ANGEL2: variants seen among roughly 807,000 people sequenced by gnomAD.
ANGEL2 encodes the protein angel homolog 2.
In ANGEL2, 41 loss-of-function variants were observed where a neutral mutation model predicts 66.0. That is an observed-to-expected ratio of 0.62 (90% confidence interval 0.48 to 0.81). The LOEUF is 0.81. Ranked by LOEUF, ANGEL2 falls within the 30% of genes least tolerant of loss-of-function variation. The probability of loss-of-function intolerance (pLI) is 0.00; values close to 1 mark genes in which losing one functional copy is unlikely to be tolerated. For synonymous variants in ANGEL2, 208 were observed against 226.5 expected (o/e 0.92, Z 0.73); for missense variants, 561 against 641.6 (o/e 0.87, Z 1.36).
rs547405908 is a variant in ANGEL2 at position 213,001,084 on chromosome 1, T to C, written c.1135-172A>G. 82 of 601,434 alleles carry C rather than the reference T, an allele frequency of 1.4e-4. No homozygotes were observed. In the African/African-American group the frequency reaches 1.4e-3, roughly 10 times the overall value. The allele number at this position is 601,434 out of a possible 1,614,324, so 37.3% of individuals were successfully genotyped here. A position where few individuals can be genotyped will look rare whatever the true frequency, so the allele number is the denominator to read the frequency against. ...AAATCTTCTTTTCTTTAAATACAAT[T>C]CAGAAAGCACTTATCATTTACATAA... On this transcript the variant is annotated intron_variant, in intron 5 of 8. Coordinates refer to ENST00000366962, the MANE Select transcript of ANGEL2 (RefSeq NM_144567.5).
chr1:213,005,941 C>T lies in ANGEL2; in HGVS notation c.713-487G>A, dbSNP rs548176648. On this transcript the variant is annotated intron_variant, in intron 4 of 8. Coordinates refer to ENST00000366962, the MANE Select transcript of ANGEL2 (RefSeq NM_144567.5). ...TCAAATATTTGTTCAAATGTCACCT[C>T]GTCTGATCATTTTGTTTAAAACTGA... 2.0e-5 allele frequency among the ~76,000 whole-genome samples: 3 copies of T among 152,280 alleles called. No homozygotes were observed. The South Asian group carries it at 6.2e-4, about 32-fold the overall frequency.
chr1:213,007,233 G>A (rs755486602), intron 3 of ANGEL2, 35 bp from the exon 4 acceptor site: 2 of 1,433,534 alleles, frequency 1.4e-6, no homozygotes, highest in Non-Finnish European at 1.9e-6. Flanking sequence ...TTAGAACACA[G>A]AGATGCAATC....
At chr1:212,999,985 G>C (rs2076135146) in intron 7 of ANGEL2, among the ~76,000 whole-genome samples, 1 of 152,200 alleles carries the variant, frequency 6.6e-6, no homozygotes, top group Admixed American at 6.5e-5. Context: ...AGCTGGTCCA[G>C]GTCCACAGAC....
chr1:213,015,333 G>A (rs1487505350), intron 1 of ANGEL2: 1 of 1,366,336 alleles, frequency 7.3e-7, no homozygotes, highest in Non-Finnish European at 9.4e-7. Context: ...AAGCAGGCCA[G>A]GGATCCAAAG....
chr1:213,009,738 C>T (rs1428951313), intron 2 of ANGEL2, among the ~76,000 whole-genome samples: 1 of 152,124 alleles, frequency 6.6e-6, no homozygotes, highest in Non-Finnish European at 1.5e-5. Flanking sequence ...TTTAAAAATG[C>T]CAATGAAGTA....
Position 213,005,376 on chromosome 1 carries a change from G to A in ANGEL2, c.791C>T (p.Ser264Leu). ...TTCCACTGGGTTCACTGACAAGAGT[G>A]AAAATTTGGAATGTTTGAAGCAAAT... ...CAICFKHSKFSLLSVNPVEFF... is the reference protein window; with the variant it reads ...CAICFKHSKFLLLSVNPVEFF... The change falls in exon 5 of 9, where the codon TCA becomes TTA. Residue 264 changes from serine (S) to leucine (L), a missense_variant. Ser to Leu is a moderately radical substitution (Grantham distance 145, BLOSUM62 -2). Coordinates refer to ENST00000366962, the MANE Select transcript of ANGEL2 (RefSeq NM_144567.5). 6.2e-7 allele frequency: 1 copy of A among 1,614,160 alleles called. No individual in the cohort carries two copies. The highest frequency in any genetic ancestry group is 8.5e-7 in the Non-Finnish European group (1 of 1,180,026).
At chr1:213,012,265 C>G (rs2076528024) in intron 2 of ANGEL2, among the ~76,000 whole-genome samples, 1 of 133,922 alleles carries the variant, frequency 7.5e-6, no homozygotes, top group Non-Finnish European at 1.6e-5. Context: ...GCTCCCTAAA[C>G]ATTAACACCC....
At chr1:213,015,582 C>T (rs753455706) in intron 1 of ANGEL2, 31 bp downstream of exon 1, 1 of 1,586,442 alleles carries the variant, frequency 6.3e-7, no homozygotes, top group South Asian at 1.1e-5. Context: ...CCGCCCCTCT[C>T]TCCTCCCTCC....
chr1:213,014,428 T>C (rs2076585789), intron 1 of ANGEL2, among the ~76,000 whole-genome samples: 1 of 152,236 alleles, frequency 6.6e-6, no homozygotes. Flanking sequence ...ACAGTTTAAG[T>C]ATTCGCTAGT....
rs946697337 is a variant in ANGEL2 at position 213,008,076 on chromosome 1, C to G, written c.642+134G>C. On this transcript the variant is annotated intron_variant, in intron 3 of 8. Transcript: ENST00000366962. ...ACGGGGTTTCTCCATGTTGGTCAGG[C>G]TGGTCTCAAACTACCGACCTCAGGT... The G allele has an allele frequency of 4.2e-6, 4 of 947,136 alleles. No homozygotes were observed. In the African/African-American group the frequency reaches 6.7e-5, roughly 16 times the overall value. The allele number at this position is 947,136 out of a possible 1,614,324, so 58.7% of individuals were successfully genotyped here.
rs745897569 is a variant in ANGEL2 at position 213,015,605 on chromosome 1, C to G, written c.59+8G>C. The G allele has an allele frequency of 1.2e-6, 2 of 1,613,914 alleles. No individual in the cohort carries two copies. Among genetic ancestry groups the G allele is most frequent in the Non-Finnish European group, 1.7e-6 (2 of 1,179,946 alleles). On this transcript the variant is annotated splice_region_variant and intron_variant, in intron 1 of 8. Transcript: ENST00000366962. ...CTCTCCTCCCTCCGAGTACCCAGCC[C>G]TACTGACCGGCCTCTTCCCACCACA...
chr1:213,012,468 T>C (rs1028789027), intron 2 of ANGEL2, among the ~76,000 whole-genome samples: 2 of 152,116 alleles, frequency 1.3e-5, no homozygotes, highest in Admixed American at 1.3e-4. Flanking sequence ...TATGAAAAAA[T>C]AGAAGTAAAT....
rs149002480 is a variant in ANGEL2 at position 213,005,157 on chromosome 1, T to A, written c.1010A>T (p.His337Leu). The A allele has an allele frequency of 3.5e-5, 57 of 1,614,218 alleles. No homozygotes were observed. The African/African-American group carries it at 5.6e-4, about 16-fold the overall frequency. Residue 337 changes from histidine (H) to leucine (L), a missense_variant, in exon 5 of 9, where the codon CAC becomes CTC. Coordinates refer to ENST00000366962, the MANE Select transcript of ANGEL2 (RefSeq NM_144567.5). ...AGGGCAGAAGCTGCCATCTTTCTGG[T>A]GGGCAACACTGGAAATCTCTGCCAG... is the stretch of plus-strand genomic sequence containing the variant. ...MLLAEISSVAHQKDGSFCPIV... is the reference protein window; with the variant it reads ...MLLAEISSVALQKDGSFCPIV...
At chr1:212,996,330 TATAG>T (rs2076005431) in intron 8 of ANGEL2, among the ~76,000 whole-genome samples, 1 of 149,868 alleles carries the variant, frequency 6.7e-6, no homozygotes, top group Non-Finnish European at 1.5e-5. Context: ...AAAAAAATTA[TATAG>T]ACTTTTCTGA....
chr1:213,008,587 C>T, intron 2 of ANGEL2, 121 bp from the exon 3 acceptor site: 2 of 1,211,390 alleles, frequency 1.7e-6, no homozygotes, highest in Non-Finnish European at 2.3e-6. Context: ...AATGTTTTTC[C>T]CTAGGAAGTG....
At chr1:213,005,690 T>C (rs1354843300) in intron 4 of ANGEL2, among the ~76,000 whole-genome samples, 1 of 152,202 alleles carries the variant, frequency 6.6e-6, no homozygotes, top group African/African-American at 2.4e-5. Context: ...CCCGTTGCCA[T>C]CCTAGTAAAA....
In ANGEL2 at chr1:212,995,130, G is replaced by C. The variant is rs753745829; in HGVS notation, c.1546C>G (p.Gln516Glu). The C allele has an allele frequency of 1.2e-6, 2 of 1,611,198 alleles. No homozygotes were observed. The highest frequency in any genetic ancestry group is 3.4e-5 in the Admixed American group (2 of 59,700). Residue 516 changes from glutamine to glutamate, a missense_variant, in exon 9 of 9, where the codon CAA (glutamine) becomes GAA (glutamate). By Grantham distance (29) the Gln-to-Glu change is conservative (BLOSUM62 2). Coordinates refer to ENST00000366962, the MANE Select transcript of ANGEL2 (RefSeq NM_144567.5). ...AGTCCATTAACAGTCCATAAGTCTT[G>C]TTCTGTAAGAAGTGACAGTCTAGCT... ...LLARLSLLTE[Q>E]DLWTVNGLPN...
intron 7 of ANGEL2, among the ~76,000 whole-genome samples, chr1:212,998,785 T>TA (rs1399847799): frequency 6.6e-6 from 1 of 151,440 alleles, no homozygotes; most frequent in Non-Finnish European, 1.5e-5. Flanking sequence ...CTCAGCCTCC[T>TA]AAAGTGCTGG....
At chr1:213,010,571 C>CAAAAAAAAAA (rs11339532) in intron 2 of ANGEL2, among the ~76,000 whole-genome samples, 1 of 110,956 alleles carries the variant, frequency 9.0e-6, no homozygotes. Flanking sequence ...GCCTTCGTCT[C>CAAAAAAAAAA]AAAAAAAAAA....
Sources: allele counts gnomAD v4.1 joint callset (sites outside exome capture counted in the v4.1 genomes callset), GRCh38; gene constraint gnomAD v4.1.1; transcripts MANE v1.5; gene names NCBI Gene and HGNC (gene_info 2026-07-23, HGNC 2026-07-21).